Variants in CATSPERT observed in about 807,000 individuals in gnomAD.
CATSPERT encodes cation channel sperm-associated targeting subunit tau.
At chr2:201,564,097 A>G in the CATSPERT span, among the ~76,000 whole-genome samples, 1 of 152,212 alleles carries the variant, frequency 6.6e-6, no homozygotes, top group East Asian at 1.9e-4. Flanking sequence ...TGTCTCTTCA[A>G]ATGTTATGAC....
chr2:201,614,688 G>A, the CATSPERT span, among the ~76,000 whole-genome samples: 1 of 152,126 alleles, frequency 6.6e-6, no homozygotes, highest in African/African-American at 2.4e-5. Flanking sequence ...CATAATGACA[G>A]GATCAAATTC....
At chr2:201,501,416 A>G in the CATSPERT span, among the ~76,000 whole-genome samples, 41 of 150,570 alleles carry the variant, frequency 2.7e-4, no homozygotes, top group South Asian at 3.6e-3. Flanking sequence ...AAAAAAAAAA[A>G]AAAGAAAGAT....
chr2:201,575,681 C>T, the CATSPERT span, among the ~76,000 whole-genome samples: 24 of 152,294 alleles, frequency 1.6e-4, no homozygotes, highest in South Asian at 2.9e-3. Context: ...TGCCTCCCAT[C>T]GTCCCCAGAT....
At chr2:201,536,025 G>C in the CATSPERT span, 1 of 1,612,848 alleles carries the variant, frequency 6.2e-7, no homozygotes, top group Non-Finnish European at 8.5e-7. Flanking sequence ...ATTTACCTCT[G>C]ATAGAGATGA....
chr2:201,509,134 A>G, the CATSPERT span, among the ~76,000 whole-genome samples: 7 of 150,668 alleles, frequency 4.6e-5, no homozygotes, highest in African/African-American at 1.5e-4. Context: ...AAGGGTTCCA[A>G]TTTCTCCACA....
the CATSPERT span, among the ~76,000 whole-genome samples, chr2:201,582,543 A>C: frequency 6.6e-6 from 1 of 152,180 alleles, no homozygotes; most frequent in Non-Finnish European, 1.5e-5. Context: ...TTCACCCTCA[A>C]TACTCTATTG....
chr2:201,565,100 T>A, the CATSPERT span, among the ~76,000 whole-genome samples: 2 of 124,252 alleles, frequency 1.6e-5, no homozygotes, highest in Admixed American at 8.5e-5. Context: ...GGACAAGAAA[T>A]ACAGAAAGAA....
the CATSPERT span, among the ~76,000 whole-genome samples, chr2:201,539,186 A>G: frequency 6.6e-6 from 1 of 152,134 alleles, no homozygotes; most frequent in Non-Finnish European, 1.5e-5. Flanking sequence ...ATACCCAGTA[A>G]TGGGATTGCT....
the CATSPERT span, among the ~76,000 whole-genome samples, chr2:201,564,536 A>G: frequency 6.6e-6 from 1 of 152,248 alleles, no homozygotes; most frequent in Non-Finnish European, 1.5e-5. Context: ...GAAAGTGTAC[A>G]TACCCCAAAA....
At chr2:201,588,942 A>G in the CATSPERT span, among the ~76,000 whole-genome samples, 1 of 152,140 alleles carries the variant, frequency 6.6e-6, no homozygotes, top group African/African-American at 2.4e-5. Context: ...TGCAAAAATC[A>G]CTAGCATTCC....
the CATSPERT span, chr2:201,536,420 C>T: frequency 7.4e-7 from 1 of 1,351,318 alleles, no homozygotes; most frequent in Non-Finnish European, 9.8e-7. Context: ...TACCCTTATC[C>T]TTTAGCATAA....
At chr2:201,495,959 G>GA in the CATSPERT span, 1 of 1,583,764 alleles carries the variant, frequency 6.3e-7, no homozygotes, top group African/African-American at 1.3e-5. Context: ...TTCTTTTGGT[G>GA]AAAAAGCCAC....
chr2:201,588,754 T>C, the CATSPERT span, among the ~76,000 whole-genome samples: 1 of 152,082 alleles, frequency 6.6e-6, no homozygotes, highest in Admixed American at 6.6e-5. Context: ...TTGGAAATCC[T>C]GGCCAGGGCA....
the CATSPERT span, chr2:201,534,609 A>G: frequency 1.0e-6 from 1 of 985,328 alleles, no homozygotes; most frequent in Non-Finnish European, 1.2e-6. Context: ...CAAAATGACT[A>G]ATGAGCAAAA....
At chr2:201,571,916 T>C in the CATSPERT span, 3 of 1,599,454 alleles carry the variant, frequency 1.9e-6, no homozygotes, top group Non-Finnish European at 2.6e-6. Context: ...GATCTGACCA[T>C]ATTAACGAGA....
the CATSPERT span, chr2:201,603,403 T>C: frequency 9.1e-5 from 67 of 732,316 alleles, no homozygotes; most frequent in Non-Finnish European, 1.3e-4. Flanking sequence ...ATTTGAAATA[T>C]TGTTTCTCAT....
chr2:201,502,370 G>C, the CATSPERT span, among the ~76,000 whole-genome samples: 3 of 151,970 alleles, frequency 2.0e-5, no homozygotes, highest in Non-Finnish European at 2.9e-5. Context: ...TCAGGAGTTT[G>C]AGACCAGCCT....
the CATSPERT span, among the ~76,000 whole-genome samples, chr2:201,591,764 A>C: frequency 3.9e-5 from 6 of 151,932 alleles, no homozygotes; most frequent in Non-Finnish European, 7.4e-5. Flanking sequence ...ATGGGAGTTC[A>C]CTCATGATTT....
At chr2:201,556,551 A>C in the CATSPERT span, among the ~76,000 whole-genome samples, 1 of 151,040 alleles carries the variant, frequency 6.6e-6, no homozygotes, top group African/African-American at 2.4e-5. Flanking sequence ...AAAAGTAGTA[A>C]GTGTTTGGCT....
Sources: allele counts gnomAD v4.1 joint callset (sites outside exome capture counted in the v4.1 genomes callset), GRCh38; gene constraint gnomAD v4.1.1; transcripts MANE v1.5; gene names NCBI Gene and HGNC (gene_info 2026-07-23, HGNC 2026-07-21).